Variants in TAF4 observed in about 807,000 individuals in gnomAD.
TAF4 encodes transcription initiation factor TFIID subunit 4.
A neutral mutation model predicts 90.3 loss-of-function variants in TAF4; 9 were observed. The ratio of observed to expected loss-of-function variants is 0.10; its 90% CI spans 0.06 to 0.17. TAF4 has a LOEUF of 0.17. Among genes scored for constraint, TAF4 ranks in the 10% least tolerant of loss-of-function variants. TAF4 has a pLI of 1.00. For synonymous variants in TAF4, 818 were observed against 638.9 expected, an observed-to-expected ratio of 1.28 and a Z score of -4.23; for missense variants, 1,351 against 1,370.7, an observed-to-expected ratio of 0.99 and a Z score of 0.23.
chr20:62,062,256 C>A (rs923898604), intron 1 of TAF4, among the ~76,000 whole-genome samples: 1 of 152,134 alleles, frequency 6.6e-6, no homozygotes, highest in Non-Finnish European at 1.5e-5. Context: ...AAAACGGAAC[C>A]AACTAGAACA....
intron 14 of TAF4, among the ~76,000 whole-genome samples, chr20:61,994,811 T>G (rs1220803195): frequency 3.9e-5 from 6 of 152,180 alleles, no homozygotes; most frequent in African/African-American, 9.7e-5. Flanking sequence ...GCCACGGGGC[T>G]GAGAGCGAAA....
intron 1 of TAF4, among the ~76,000 whole-genome samples, chr20:62,063,933 G>C (rs1036681511): frequency 1.3e-5 from 2 of 152,248 alleles, no homozygotes; most frequent in Admixed American, 1.3e-4. Context: ...CTCGCCTGGA[G>C]ACTGAAGAGG....
Position 62,010,868 on chromosome 20 carries a change from A to G in TAF4, c.1642-703T>C, listed in dbSNP as rs1192364135. Among the ~76,000 whole-genome samples the G allele has an allele frequency of 1.3e-5, 2 of 152,252 alleles. No homozygotes were observed. Among genetic ancestry groups the G allele is most frequent in the Non-Finnish European group, 1.5e-5 (1 of 68,046 alleles). Reference sequence around the variant, plus strand: ...CAGTGGCCTGTACTCGATTCCTAACATTTCCATTCTACATGAATAATCAGA... The same window carrying G: ...CAGTGGCCTGTACTCGATTCCTAACGTTTCCATTCTACATGAATAATCAGA... On this transcript the variant is annotated intron_variant, in intron 3 of 14. Coordinates refer to ENST00000252996, the MANE Select transcript of TAF4 (RefSeq NM_003185.4). The surrounding 1 kb of genome is among the most constrained non-coding windows in gnomAD (Gnocchi z 4.5).
At chr20:62,056,420 A>G (rs929699729) in intron 1 of TAF4, among the ~76,000 whole-genome samples, 5 of 152,222 alleles carry the variant, frequency 3.3e-5, no homozygotes, top group Admixed American at 2.0e-4. Flanking sequence ...AATGGTTTTA[A>G]AAGTGTAATC....
chr20:61,996,197 G>A (rs2055661613), intron 14 of TAF4, among the ~76,000 whole-genome samples: 2 of 152,006 alleles, frequency 1.3e-5, no homozygotes, highest in Admixed American at 1.3e-4. Flanking sequence ...TACATGGTGA[G>A]ACCCTGTCTC....
At chr20:62,003,642 A>C in intron 8 of TAF4, 89 bp downstream of exon 8, 2 of 1,427,128 alleles carry the variant, frequency 1.4e-6, no homozygotes, top group Non-Finnish European at 1.8e-6. Flanking sequence ...GTAAATGTAC[A>C]TTTTACCCAA....
At chr20:62,019,632 G>GCCAGTGGTGA (rs746111895) in intron 1 of TAF4, among the ~76,000 whole-genome samples, 1 of 152,156 alleles carries the variant, frequency 6.6e-6, no homozygotes, top group African/African-American at 2.4e-5. Flanking sequence ...CTGGCCAGTG[G>GCCAGTGGTGA]CCAGTGGTGA....
chr20:62,023,240 G>A (rs553992443), intron 1 of TAF4, among the ~76,000 whole-genome samples: 1 of 152,312 alleles, frequency 6.6e-6, no homozygotes, highest in South Asian at 2.1e-4. Flanking sequence ...CCAGGAGTTC[G>A]AGACCAGCCA....
intron 14 of TAF4, among the ~76,000 whole-genome samples, chr20:61,997,121 C>T (rs751469740): frequency 1.3e-5 from 2 of 152,174 alleles, no homozygotes; most frequent in African/African-American, 2.4e-5. Flanking sequence ...CAAACATAGA[C>T]GAGAAACTAA....
Position 61,999,070 on chromosome 20 carries a change from T to A in TAF4, c.2826A>T (p.Ala942=). The A allele has an allele frequency of 6.2e-7, 1 of 1,614,200 alleles. No homozygotes were observed. The highest frequency in any genetic ancestry group is 8.5e-7 in the Non-Finnish European group (1 of 1,180,040). Residue 942 remains alanine, a synonymous_variant, in exon 12 of 15, where the codon GCA becomes GCT. Coordinates refer to ENST00000252996, the MANE Select transcript of TAF4 (RefSeq NM_003185.4). ...CAAGCTGTTCAAAAAACTTGAGCTGTGCCCGGACGTCACTCGCCTGCTCAT... is the reference window on the plus strand; with the variant it reads ...CAAGCTGTTCAAAAAACTTGAGCTGAGCCCGGACGTCACTCGCCTGCTCAT... The part of the protein sequence containing the change: ...DRYEQASDVR[A]QLKFFEQLDQ...
Position 62,051,157 on chromosome 20 carries a change from G to A in TAF4, c.1360+13294C>T, listed in dbSNP as rs767727292. ...GGAAGGCAGGGTGCAGGGCAGCCCC[G>A]CAGGCGCTGGGGCTGAGGAGCAAGA... On this transcript the variant is annotated intron_variant, in intron 1 of 14. Coordinates refer to ENST00000252996, the MANE Select transcript of TAF4 (RefSeq NM_003185.4). Among the ~76,000 whole-genome samples, 7 of 152,164 alleles carry A rather than the reference G, an allele frequency of 4.6e-5. No individual in the cohort carries two copies. The East Asian group carries it at 9.7e-4, about 21-fold the overall frequency.
rs773862569 is a variant in TAF4 at position 61,976,373 on chromosome 20, G to C, written c.3091-38C>G. The C allele has an allele frequency of 4.4e-6, 7 of 1,606,656 alleles. No homozygotes were observed. The Admixed American group carries it at 1.2e-4, about 27-fold the overall frequency. ...AAGGAGAAGACAGTGTGTTAGTGGG[G>C]CTCAGAGTGGGGCTTGCAATGAGCC... On this transcript the variant is annotated intron_variant, in intron 14 of 14. Transcript: ENST00000252996.
In TAF4 at chr20:62,000,171, C is replaced by T; in HGVS notation, c.2740G>A (p.Val914Ile). Reference protein sequence around the residue: ...HATQQRLQNLVEKISETAQQK... With the variant: ...HATQQRLQNLIEKISETAQQK... ...TGAGCTGTTTCTGATATTTTCTCTA[C>T]AAGATTCTGTAGCCTTTGTTGCGTG... Residue 914 changes from valine (V) to isoleucine (I), a missense_variant, in exon 11 of 15, where the codon GTA (valine) becomes ATA (isoleucine). Val to Ile is a conservative substitution (Grantham distance 29). Around this residue, in one of 9 missense-constraint regions of TAF4, gnomAD observed 95 missense variants for 151.3 expected, o/e 0.63. Coordinates refer to ENST00000252996, the MANE Select transcript of TAF4 (RefSeq NM_003185.4). 1 of 1,614,244 alleles carries T rather than the reference C, an allele frequency of 6.2e-7. No homozygotes were observed. Among genetic ancestry groups the T allele is most frequent in the Non-Finnish European group, 8.5e-7 (1 of 1,180,044 alleles).
chr20:62,003,071 GA>G (rs2055717403), intron 9 of TAF4, 88 bp downstream of exon 9: 1 of 1,129,492 alleles, frequency 8.9e-7, no homozygotes, highest in Admixed American at 2.2e-5. Context: ...ACGTGGGAAA[GA>G]CCCGTGGGCG....
At chr20:62,033,429 A>G (rs948398025) in intron 1 of TAF4, among the ~76,000 whole-genome samples, 2 of 152,220 alleles carry the variant, frequency 1.3e-5, no homozygotes, top group African/African-American at 2.4e-5. Context: ...GCAAACAGAA[A>G]GCAACTTCAG....
chr20:62,010,268 TGG>T lies in TAF4; in HGVS notation c.1642-105_1642-104del. Reference sequence around the variant, plus strand: ...CAAAAGAAAACAAGCCTCCCTGCGGTGGCCAGGACGCCCAGGAAGCCAAGGAC... The same window carrying T: ...CAAAAGAAAACAAGCCTCCCTGCGGTCCAGGACGCCCAGGAAGCCAAGGAC... On this transcript the variant is annotated intron_variant, in intron 3 of 14. Transcript: ENST00000252996. The surrounding 1 kb of genome is among the most constrained non-coding windows in gnomAD (Gnocchi z 4.5). 6.5e-7 allele frequency: 1 copy of T among 1,547,902 alleles called. No homozygotes were observed. The highest frequency in any genetic ancestry group is 2.0e-4 in the Middle Eastern group (1 of 5,114).
chr20:62,016,900 A>G (rs1294275630), intron 1 of TAF4, among the ~76,000 whole-genome samples: 2 of 152,154 alleles, frequency 1.3e-5, no homozygotes, highest in African/African-American at 4.8e-5. Flanking sequence ...GCACTTTAGG[A>G]GGCCAAGATG....
chr20:61,984,127 G>A (rs191174813), intron 14 of TAF4, among the ~76,000 whole-genome samples: 28 of 152,260 alleles, frequency 1.8e-4, no homozygotes, highest in East Asian at 7.7e-4. Context: ...GCCAGCAGCC[G>A]GAAGACTGAG....
chr20:62,027,184 G>C (rs1427217007), intron 1 of TAF4, among the ~76,000 whole-genome samples: 2 of 152,234 alleles, frequency 1.3e-5, no homozygotes, highest in Non-Finnish European at 2.9e-5. Flanking sequence ...GTGGCTCTCA[G>C]GGCCCAGTGC....
Sources: allele counts gnomAD v4.1 joint callset (sites outside exome capture counted in the v4.1 genomes callset), GRCh38; gene constraint gnomAD v4.1.1; regional missense constraint gnomAD v4.1.1; non-coding constraint Gnocchi (gnomAD v3.1); transcripts MANE v1.5; gene names NCBI Gene and HGNC (gene_info 2026-07-23, HGNC 2026-07-21).